COL6A6: variants seen among roughly 807,000 people sequenced by gnomAD.
COL6A6 encodes collagen type VI alpha 6 chain, also known as collagen alpha-6(VI) chain.
In COL6A6, 183 loss-of-function variants were observed where a neutral mutation model predicts 208.6. The ratio of observed to expected loss-of-function variants is 0.88; its 90% CI spans 0.78 to 0.99. The LOEUF is 0.99. Among genes scored for constraint, COL6A6 ranks in the 50% least tolerant of loss-of-function variants. The probability of loss-of-function intolerance (pLI) is 0.00; values close to 1 mark genes in which losing one functional copy is unlikely to be tolerated. For missense variants in COL6A6, 2,816 were observed against 2,815.2 expected (o/e 1.00, Z -0.01); for synonymous variants, 973 against 1,011.8 (o/e 0.96, Z 0.73).
At chr3:130,668,430 A>T (rs2066129740) in intron 36 of COL6A6, among the ~76,000 whole-genome samples, 1 of 152,172 alleles carries the variant, frequency 6.6e-6, no homozygotes. Context: ...GTGAGCCAAG[A>T]TCACACCATT....
Position 130,599,726 on chromosome 3 carries a change from A to G in COL6A6, c.4600-31A>G, listed in dbSNP as rs190050429. ...GAAACTCTGTCAATGCTGCATAATT[A>G]CCGTCACACATCTGTCTGTTCCTTT... On this transcript the variant is annotated intron_variant, in intron 19 of 36. Coordinates refer to ENST00000358511, the MANE Select transcript of COL6A6 (RefSeq NM_001102608.3). 6,967 of 1,612,062 alleles carry G rather than the reference A, an allele frequency of 4.3e-3. 71 individuals carry two copies. The highest frequency in any genetic ancestry group is 0.021 in the South Asian group (1,915 of 91,002).
chr3:130,661,997 C>T lies in COL6A6; in HGVS notation c.6191C>T (p.Ala2064Val), dbSNP rs1272434256. 50 of 1,613,848 alleles carry T rather than the reference C, an allele frequency of 3.1e-5. No homozygotes were observed. In the East Asian group the frequency reaches 1.1e-3, roughly 36 times the overall value. The change falls in exon 35 of 37, where the codon GCC becomes GTC. Residue 2064 changes from alanine to valine, a missense_variant. Transcript: ENST00000358511. ...AATGGAGATGCTTTTATTGGTCATG[C>T]CTTACAGTGGACTCTGGACAATGTA... ...QLNGDAFIGH[A>V]LQWTLDNVFL...
chr3:130,675,310 T>A lies in COL6A6; in HGVS notation c.6705T>A (p.Asp2235Glu). The A allele has an allele frequency of 1.3e-6, 2 of 1,596,952 alleles. No individual in the cohort carries two copies. Among genetic ancestry groups the A allele is most frequent in the South Asian group, 2.3e-5 (2 of 87,900 alleles). The change falls in exon 37 of 37, where the codon GAT (aspartate) becomes GAA (glutamate). Residue 2235 changes from aspartate (D) to glutamate (E), a missense_variant. Transcript: ENST00000358511. ...CAAGAGTAGCAAGAAGTGGCAGAGA[T>A]GATGCTATTCAAAATTTTATGAGAA... ...YLSRVARSGR[D>E]DAIQNFMRST...
chr3:130,599,945 C>A (rs77323078), intron 20 of COL6A6, 135 bp downstream of exon 20: 1 of 781,116 alleles, frequency 1.3e-6, no homozygotes, highest in Non-Finnish European at 2.2e-6. Flanking sequence ...TATGACATCT[C>A]GCAGACCAGG....
At position 130,649,186 on chromosome 3, in the gene COL6A6, A is replaced by G. The variant is rs751514672; in HGVS notation, c.5357A>G (p.Asp1786Gly). 6.3e-7 allele frequency: 1 copy of G among 1,595,554 alleles called. No individual in the cohort carries two copies. Among genetic ancestry groups the G allele is most frequent in the Non-Finnish European group, 8.5e-7 (1 of 1,170,806 alleles). ...GAGATGATGGCTTTCCTGGTGAGAG[A>G]CATTAAGGTCCGGGAGAACAGCTGC... The part of the protein sequence containing the change: ...MKEMMAFLVR[D>G]IKVRENSCPV... Residue 1786 changes from aspartate (D) to glycine (G), a missense_variant, in exon 33 of 37, where the codon GAC (aspartate) becomes GGC (glycine). Coordinates refer to ENST00000358511, the MANE Select transcript of COL6A6 (RefSeq NM_001102608.3).
intron 1 of COL6A6, among the ~76,000 whole-genome samples, chr3:130,555,151 A>G (rs2107821585): frequency 6.6e-6 from 1 of 152,308 alleles, no homozygotes; most frequent in South Asian, 2.1e-4. Flanking sequence ...TGGGCTCTGC[A>G]TAGGCTGGAG....
At chr3:130,616,125 G>T (rs554797644) in intron 23 of COL6A6, among the ~76,000 whole-genome samples, 3 of 152,220 alleles carry the variant, frequency 2.0e-5, no homozygotes, top group Non-Finnish European at 2.9e-5. Context: ...TCACAAAGTT[G>T]TTGTGTCCAA....
In COL6A6 at chr3:130,628,735, A is replaced by AGAC. The variant is rs376320800; in HGVS notation, c.4992+1366_4992+1367insGAC. 5.5e-4 allele frequency among the ~76,000 whole-genome samples: 36 copies of AGAC among 65,386 alleles called. 4 individuals are homozygous for AGAC. The South Asian group carries it at 9.7e-3, about 18-fold the overall frequency. 42.9% of individuals were successfully genotyped at this position (65,386 alleles called of 152,430 possible). On this transcript the variant is annotated intron_variant, in intron 26 of 36. Coordinates refer to ENST00000358511, the MANE Select transcript of COL6A6 (RefSeq NM_001102608.3). ...TGAAATCCATTTTAAGATCGTGTCG[A>AGAC]AGATGGCCGAATAGGAACAGCTCCG...
chr3:130,523,173 G>A (rs186951004), intron 1 of COL6A6, among the ~76,000 whole-genome samples: 1 of 151,940 alleles, frequency 6.6e-6, no homozygotes, highest in Admixed American at 6.6e-5. Context: ...TTGCATTTTG[G>A]AATCTCTTCT....
chr3:130,591,566 T>C (rs1425764104), intron 13 of COL6A6, among the ~76,000 whole-genome samples: 1 of 152,254 alleles, frequency 6.6e-6, no homozygotes, highest in Non-Finnish European at 1.5e-5. Flanking sequence ...TACTCATTCA[T>C]TGGTTCATTC....
At position 130,593,207 on chromosome 3, in the gene COL6A6, T is replaced by A. The variant is rs748193793; in HGVS notation, c.4425T>A (p.Asn1475Lys). ...CCCTTCTTGTTTTTTAGGGTGATAA[T>A]GGTCTTCCTGGAAGAAAAGGAGAAA... ...IDGLNGEQGD[N>K]GLPGRKGEKG... Residue 1475 changes from asparagine (N) to lysine (K), a missense_variant, in exon 17 of 37, where the codon AAT becomes AAA. Physicochemically the swap from Asn to Lys is moderately conservative, Grantham distance 94 (BLOSUM62 0). Coordinates refer to ENST00000358511, the MANE Select transcript of COL6A6 (RefSeq NM_001102608.3). The A allele has an allele frequency of 6.2e-7, 1 of 1,613,078 alleles. No homozygotes were observed. The highest frequency in any genetic ancestry group is 1.3e-5 in the African/African-American group (1 of 74,898).
At chr3:130,612,665 G>A (rs1012650153) in intron 23 of COL6A6, among the ~76,000 whole-genome samples, 2 of 152,130 alleles carry the variant, frequency 1.3e-5, no homozygotes, top group Non-Finnish European at 2.9e-5. Context: ...CCTGGGCGTA[G>A]GGGATGCCGC....
At chr3:130,626,387 G>C in intron 24 of COL6A6, 98 bp from the exon 25 acceptor site, 1 of 887,926 alleles carries the variant, frequency 1.1e-6, no homozygotes, top group South Asian at 1.4e-5. Flanking sequence ...ACACAGTTCT[G>C]GGCACAAACC....
chr3:130,598,852 A>G (rs921899966), intron 19 of COL6A6, among the ~76,000 whole-genome samples: 2 of 152,258 alleles, frequency 1.3e-5, no homozygotes, highest in Non-Finnish European at 2.9e-5. Context: ...CGTGGTCCAC[A>G]CAATCAAGAA....
At chr3:130,641,176 A>C (rs12495609) in intron 28 of COL6A6, among the ~76,000 whole-genome samples, 7 of 150,134 alleles carry the variant, frequency 4.7e-5, no homozygotes, top group African/African-American at 1.7e-4. Context: ...CCTGTTGCCT[A>C]TTGCAGCAAC....
chr3:130,615,614 T>A (rs1443692337), intron 23 of COL6A6, among the ~76,000 whole-genome samples: 1 of 152,228 alleles, frequency 6.6e-6, no homozygotes, highest in East Asian at 1.9e-4. Context: ...ATAAAAACTT[T>A]AAAATGTCAT....
rs749894112 is a variant in COL6A6 at position 130,641,719 on chromosome 3, G to GT, written c.5154+6dup. The GT allele has an allele frequency of 1.9e-6, 3 of 1,560,008 alleles. No individual in the cohort carries two copies. Among genetic ancestry groups the GT allele is most frequent in the Non-Finnish European group, 2.6e-6 (3 of 1,134,928 alleles). On this transcript the variant is annotated splice_donor_region_variant and intron_variant, in intron 29 of 36. Transcript: ENST00000358511. ...CCAGGACCTCCTGGACGTAAGGTAA[G>GT]TAGAAAAACTATAAACCACAGCAGG... is the stretch of plus-strand genomic sequence containing the variant.
intron 24 of COL6A6, among the ~76,000 whole-genome samples, chr3:130,623,844 AATT>A (rs1043397887): frequency 6.6e-5 from 10 of 152,190 alleles, no homozygotes; most frequent in Non-Finnish European, 1.3e-4. Flanking sequence ...CAAGACAATG[AATT>A]ATTAGGAAGG....
intron 33 of COL6A6, among the ~76,000 whole-genome samples, chr3:130,656,040 T>C (rs994145775): frequency 1.3e-5 from 2 of 152,208 alleles, no homozygotes; most frequent in African/African-American, 4.8e-5. Context: ...TGGTGGCACC[T>C]GGAAACTTGG....
Sources: gnomAD v4.1 joint callset for allele counts (sites outside exome capture counted in the v4.1 genomes callset) on GRCh38, gnomAD v4.1.1 for gene constraint, MANE v1.5 for transcripts, NCBI Gene and HGNC (gene_info 2026-07-23, HGNC 2026-07-21) for gene names.